Variants in QTMAN observed in about 807,000 individuals in gnomAD.
QTMAN encodes the protein queuosine-tRNA mannosyltransferase, also known as tRNA-queuosine alpha-mannosyltransferase.
chr2:144,105,698 G>A, the QTMAN span, among the ~76,000 whole-genome samples: 16 of 152,316 alleles, frequency 1.1e-4, no homozygotes, highest in Middle Eastern at 3.4e-3. Context: ...TTATCCAGGA[G>A]AACTTCCCCA....
the QTMAN span, among the ~76,000 whole-genome samples, chr2:144,169,424 ATATT>A: frequency 6.6e-6 from 1 of 152,176 alleles, no homozygotes; most frequent in Non-Finnish European, 1.5e-5. Flanking sequence ...TAATTAAAAA[ATATT>A]TTTTTGCTGT....
At chr2:144,216,635 A>G in the QTMAN span, among the ~76,000 whole-genome samples, 133 of 152,324 alleles carry the variant, frequency 8.7e-4, no homozygotes, top group African/African-American at 3.0e-3. Flanking sequence ...TATTGTTGAC[A>G]GAAGCAGAAT....
the QTMAN span, among the ~76,000 whole-genome samples, chr2:144,247,937 G>A: frequency 3.3e-5 from 5 of 152,090 alleles, no homozygotes; most frequent in Non-Finnish European, 5.9e-5. Flanking sequence ...ATGATCCACC[G>A]GCCTTGGCCT....
At chr2:144,019,476 GTGTGTGTA>G in the QTMAN span, among the ~76,000 whole-genome samples, 220 of 140,880 alleles carry the variant, frequency 1.6e-3, 2 homozygotes, top group African/African-American at 4.4e-3. Flanking sequence ...GTGTGTGTGT[GTGTGTGTA>G]TGTAGTTTTA....
the QTMAN span, among the ~76,000 whole-genome samples, chr2:144,175,656 T>C: frequency 1.3e-5 from 2 of 150,836 alleles, no homozygotes; most frequent in African/African-American, 4.9e-5. Context: ...TATTTATCTA[T>C]ATATATATAT....
chr2:143,958,111 G>A, the QTMAN span, among the ~76,000 whole-genome samples: 1 of 152,074 alleles, frequency 6.6e-6, no homozygotes, highest in Non-Finnish European at 1.5e-5. Context: ...CAAATATTTA[G>A]AAGATAGTAT....
chr2:144,246,680 T>C, the QTMAN span, among the ~76,000 whole-genome samples: 61 of 151,896 alleles, frequency 4.0e-4, no homozygotes, highest in Admixed American at 3.7e-3. Flanking sequence ...GTTCCAACTA[T>C]ATCCCACACT....
chr2:144,213,987 T>C, the QTMAN span, among the ~76,000 whole-genome samples: 29 of 152,132 alleles, frequency 1.9e-4, no homozygotes, highest in African/African-American at 6.8e-4. Context: ...TGAGAAAAGT[T>C]AGTATTACCT....
the QTMAN span, among the ~76,000 whole-genome samples, chr2:144,090,788 C>A: frequency 6.6e-6 from 1 of 151,964 alleles, no homozygotes; most frequent in East Asian, 1.9e-4. Context: ...GTTACCATTT[C>A]AAACCAATCC....
chr2:144,271,683 C>T, the QTMAN span, among the ~76,000 whole-genome samples: 1 of 152,122 alleles, frequency 6.6e-6, no homozygotes, highest in African/African-American at 2.4e-5. Flanking sequence ...TTCTACAGGG[C>T]TCTTTCCAGA....
the QTMAN span, among the ~76,000 whole-genome samples, chr2:144,244,250 C>T: frequency 5.9e-5 from 9 of 152,184 alleles, no homozygotes; most frequent in African/African-American, 1.7e-4. Context: ...CTGTGATCTA[C>T]GTGTTTCATG....
chr2:144,229,102 T>C, the QTMAN span, among the ~76,000 whole-genome samples: 1 of 152,242 alleles, frequency 6.6e-6, no homozygotes, highest in East Asian at 1.9e-4. Flanking sequence ...ACTTTGTGTC[T>C]AATTTACCAC....
chr2:143,962,471 C>T, the QTMAN span, among the ~76,000 whole-genome samples: 2 of 152,230 alleles, frequency 1.3e-5, no homozygotes, highest in South Asian at 2.1e-4. Context: ...TAAGTTCATC[C>T]TGCAGAAAAT....
the QTMAN span, among the ~76,000 whole-genome samples, chr2:144,303,670 G>T: frequency 2.0e-4 from 31 of 152,154 alleles, no homozygotes; most frequent in Non-Finnish European, 4.1e-4. Context: ...TAAAAAGGGA[G>T]TAACAGGGCA....
At chr2:144,110,299 C>A in the QTMAN span, among the ~76,000 whole-genome samples, 1 of 152,056 alleles carries the variant, frequency 6.6e-6, no homozygotes, top group Non-Finnish European at 1.5e-5. Context: ...GGACAAAAAA[C>A]CGAACACCGC....
At chr2:144,288,870 A>G in the QTMAN span, among the ~76,000 whole-genome samples, 2 of 152,166 alleles carry the variant, frequency 1.3e-5, no homozygotes, top group African/African-American at 4.8e-5. Context: ...GTGCAACTAC[A>G]TACATACAAA....
At chr2:144,300,583 T>C in the QTMAN span, among the ~76,000 whole-genome samples, 2 of 152,208 alleles carry the variant, frequency 1.3e-5, no homozygotes, top group African/African-American at 4.8e-5. Context: ...TAGCTAGAGA[T>C]ATACACCATA....
the QTMAN span, among the ~76,000 whole-genome samples, chr2:144,303,844 C>T: frequency 6.6e-6 from 1 of 152,136 alleles, no homozygotes; most frequent in South Asian, 2.1e-4. Flanking sequence ...TATGATTGCA[C>T]CAGCTTTCTG....
the QTMAN span, among the ~76,000 whole-genome samples, chr2:144,161,664 G>A: frequency 6.6e-6 from 1 of 152,078 alleles, no homozygotes; most frequent in Admixed American, 6.6e-5. Context: ...TCCAAATGGA[G>A]AGTAAAAACA....
Sources: gnomAD v4.1 joint callset for allele counts (sites outside exome capture counted in the v4.1 genomes callset) on GRCh38, gnomAD v4.1.1 for gene constraint, MANE v1.5 for transcripts, NCBI Gene and HGNC (gene_info 2026-07-23, HGNC 2026-07-21) for gene names.